The following BMPER variants were observed in gnomAD, a reference collection of about 807,000 sequenced individuals.
BMPER encodes BMP binding endothelial regulator, also known as BMP-binding endothelial regulator protein.
In BMPER, 45 loss-of-function variants were observed where a neutral mutation model predicts 87.3. That is an observed-to-expected ratio of 0.52 (90% CI 0.41 to 0.66). The LOEUF is 0.66. BMPER is among the 30% of genes least tolerant of loss of function. The pLI, the probability that BMPER is intolerant of heterozygous loss-of-function variation, is 0.00. For synonymous variants in BMPER, 326 were observed against 316.2 expected (o/e 1.03, Z -0.33); for missense variants, 784 against 867.5 (o/e 0.90, Z 1.21).
intron 3 of BMPER, among the ~76,000 whole-genome samples, chr7:33,940,238 A>C (rs1385719217): frequency 2.0e-5 from 3 of 152,152 alleles, no homozygotes; most frequent in African/African-American, 7.2e-5. Flanking sequence ...ATTTTTTCCT[A>C]CTTAACATTA....
At chr7:34,036,165 T>C (rs1787660487) in intron 6 of BMPER, among the ~76,000 whole-genome samples, 4 of 152,220 alleles carry the variant, frequency 2.6e-5, no homozygotes, top group Admixed American at 2.6e-4. Flanking sequence ...CGGGCCAGGC[T>C]GTAGATAAAG....
At chr7:34,094,656 C>T (rs1290639820) in intron 13 of BMPER, among the ~76,000 whole-genome samples, 1 of 152,188 alleles carries the variant, frequency 6.6e-6, no homozygotes. Context: ...CTTGCAAGCC[C>T]TTGCTGTTAG....
chr7:33,983,564 GCTT>G (rs969676137), intron 6 of BMPER, among the ~76,000 whole-genome samples: 46 of 152,116 alleles, frequency 3.0e-4, no homozygotes, highest in African/African-American at 1.1e-3. Context: ...GGAGGTCTTC[GCTT>G]CTTTTTTGTT....
chr7:34,080,216 T>A (rs947818881), intron 12 of BMPER, among the ~76,000 whole-genome samples: 1 of 152,364 alleles, frequency 6.6e-6, no homozygotes, highest in African/African-American at 2.4e-5. Context: ...TTTCTTTAGA[T>A]AATGAAACAT....
At position 34,011,252 on chromosome 7, in the gene BMPER, G is replaced by A. The variant is rs186722382; in HGVS notation, c.577-35054G>A. ...TTGTGAACTTGCAGATTCTGACTCA[G>A]TAGGTCTGGGGTGAGGCCCGAGATT... is the stretch of plus-strand genomic sequence containing the variant. On this transcript the variant is annotated intron_variant, in intron 6 of 14. Transcript: ENST00000649409. Among the ~76,000 whole-genome samples, 95 of 151,926 alleles carry A rather than the reference G, an allele frequency of 6.3e-4. 1 individual carries two copies. The highest frequency in any genetic ancestry group is 6.2e-3 in the South Asian group (30 of 4,820).
At chr7:33,918,789 G>T (rs780011882) in intron 2 of BMPER, among the ~76,000 whole-genome samples, 2 of 152,212 alleles carry the variant, frequency 1.3e-5, no homozygotes, top group African/African-American at 2.4e-5. Flanking sequence ...TGCCCAGTGG[G>T]ACCCACCAGA....
At chr7:34,120,390 G>A (rs571516772) in intron 13 of BMPER, among the ~76,000 whole-genome samples, 2 of 107,254 alleles carry the variant, frequency 1.9e-5, no homozygotes, top group South Asian at 5.2e-4. Flanking sequence ...ATTTTGAGTC[G>A]TGTTTTTTTG....
intron 13 of BMPER, among the ~76,000 whole-genome samples, chr7:34,116,315 T>C (rs1279968825): frequency 1.3e-5 from 2 of 152,234 alleles, no homozygotes; most frequent in Admixed American, 6.5e-5. Context: ...CCTTCTAGTA[T>C]AGGTAGGAGA....
intron 11 of BMPER, among the ~76,000 whole-genome samples, chr7:34,067,515 G>A (rs564515125): frequency 1.2e-4 from 19 of 152,280 alleles, no homozygotes; most frequent in African/African-American, 4.6e-4. Context: ...AGGGCTGTAA[G>A]CAACTCCAGG....
chr7:34,043,531 G>C (rs1787885089), intron 6 of BMPER, among the ~76,000 whole-genome samples: 1 of 152,144 alleles, frequency 6.6e-6, no homozygotes, highest in African/African-American at 2.4e-5. Context: ...ACCGATTTTG[G>C]TGAACACATG....
intron 6 of BMPER, among the ~76,000 whole-genome samples, chr7:34,024,384 AATATATATATATATATATATATATAT>A (rs200214350): frequency 1.3e-3 from 30 of 23,432 alleles, no homozygotes; most frequent in African/African-American, 2.3e-3. Flanking sequence ...AAAAAAAAAC[AATATATATATATATATATATATATAT>A]ATATATATAT....
chr7:34,015,403 G>A (rs1215031357), intron 6 of BMPER, among the ~76,000 whole-genome samples: 1 of 151,980 alleles, frequency 6.6e-6, no homozygotes, highest in Non-Finnish European at 1.5e-5. Context: ...AGTGAAAACT[G>A]TTAAGATTGA....
At chr7:34,129,214 A>G (rs1171326003) in intron 13 of BMPER, among the ~76,000 whole-genome samples, 1 of 152,130 alleles carries the variant, frequency 6.6e-6, no homozygotes, top group African/African-American at 2.4e-5. Flanking sequence ...AAAACCTGCC[A>G]TATTAGGGAC....
rs190499106 is a variant in BMPER at position 33,935,880 on chromosome 7, C to T, written c.220-1409C>T. Among the ~76,000 whole-genome samples the T allele has an allele frequency of 1.9e-3, 284 of 152,260 alleles. 1 individual carries two copies. Among genetic ancestry groups the T allele is most frequent in the African/African-American group, 5.8e-3 (241 of 41,530 alleles). ...TTCAGTGGACAAGTTTGAGCAACAC[C>T]GGTCGTGGCTTATTGTTTCTGTGCC... On this transcript the variant is annotated intron_variant, in intron 2 of 14. Coordinates refer to ENST00000649409, the MANE Select transcript of BMPER (RefSeq NM_001365308.1).
At chr7:33,952,439 G>T (rs569719840) in intron 3 of BMPER, among the ~76,000 whole-genome samples, 1 of 152,220 alleles carries the variant, frequency 6.6e-6, no homozygotes, top group South Asian at 2.1e-4. Flanking sequence ...TAATGACATT[G>T]TTTCATGGAG....
intron 13 of BMPER, among the ~76,000 whole-genome samples, chr7:34,141,687 A>C (rs1474338104): frequency 1.3e-5 from 2 of 150,684 alleles, no homozygotes; most frequent in Non-Finnish European, 3.0e-5. Flanking sequence ...TGTGCTGGTT[A>C]TCGTGTCTTA....
intron 11 of BMPER, among the ~76,000 whole-genome samples, chr7:34,065,144 C>A (rs928132522): frequency 1.1e-4 from 17 of 151,012 alleles, no homozygotes. Flanking sequence ...TAATTTATAT[C>A]TTATTAAAAC....
intron 6 of BMPER, among the ~76,000 whole-genome samples, chr7:34,034,737 C>A (rs192336518): frequency 6.6e-6 from 1 of 152,312 alleles, no homozygotes; most frequent in East Asian, 1.9e-4. Flanking sequence ...ATTCTTTCTC[C>A]TCTAGGAGAA....
chr7:34,082,662 T>A (rs1282323720), intron 12 of BMPER, among the ~76,000 whole-genome samples: 1 of 152,182 alleles, frequency 6.6e-6, no homozygotes, highest in East Asian at 1.9e-4. Context: ...TCTTTCAAAG[T>A]GTATGGACCA....
Sources: allele counts gnomAD v4.1 joint callset (sites outside exome capture counted in the v4.1 genomes callset), GRCh38; gene constraint gnomAD v4.1.1; transcripts MANE v1.5; gene names NCBI Gene and HGNC (gene_info 2026-07-23, HGNC 2026-07-21).